The following SORBS2 variants were observed in gnomAD, a reference collection of about 807,000 sequenced individuals.
SORBS2 encodes sorbin and SH3 domain containing 2.
A neutral mutation model predicts 97.7 loss-of-function variants in SORBS2; 46 were observed. The observed-to-expected ratio is 0.47, with a 90% CI of 0.37 to 0.60. SORBS2 has a LOEUF of 0.60. SORBS2 is among the 20% of genes least tolerant of loss of function. The probability of loss-of-function intolerance (pLI) is 0.00; values close to 1 mark genes in which losing one functional copy is unlikely to be tolerated. For missense variants in SORBS2, 1,316 were observed against 1,282.3 expected, an observed-to-expected ratio of 1.03 and a Z score of -0.40; for synonymous variants, 476 against 473.4, an observed-to-expected ratio of 1.01 and a Z score of -0.07.
At chr4:185,856,385 G>T (rs1196221589) in intron 1 of SORBS2, among the ~76,000 whole-genome samples, 2 of 152,064 alleles carry the variant, frequency 1.3e-5, no homozygotes, top group Non-Finnish European at 2.9e-5. Flanking sequence ...ATAAGATTAA[G>T]AATTAATATG....
At chr4:185,915,531 A>T (rs1408263774) in intron 1 of SORBS2, among the ~76,000 whole-genome samples, 1 of 152,198 alleles carries the variant, frequency 6.6e-6, no homozygotes, top group Non-Finnish European at 1.5e-5. Context: ...TGCTGCAGTC[A>T]CACTGCAGAC....
intron 1 of SORBS2, among the ~76,000 whole-genome samples, chr4:185,860,395 C>T (rs2099223039): frequency 6.6e-6 from 1 of 152,174 alleles, no homozygotes; most frequent in Non-Finnish European, 1.5e-5. Context: ...CAAAGCAGTG[C>T]CTGAGGGCTG....
At position 185,797,964 on chromosome 4, in the gene SORBS2, G is replaced by A. The variant is rs186949740; in HGVS notation, c.-337-22598C>T. On this transcript the variant is annotated intron_variant, in intron 1 of 20. Coordinates refer to the SORBS2 transcript ENST00000284776. ...CTACTCTGTGCCTTCCTTCTGCCTC[G>A]GCACTTGTGATGCTGCGGGATTATC... Among the ~76,000 whole-genome samples the A allele has an allele frequency of 1.2e-4, 19 of 152,226 alleles. No individual in the cohort carries two copies. In the East Asian group the frequency reaches 2.7e-3, roughly 22 times the overall value.
At chr4:185,651,029 G>T (rs1246215709) in intron 2 of SORBS2, among the ~76,000 whole-genome samples, 2 of 152,104 alleles carry the variant, frequency 1.3e-5, no homozygotes, top group East Asian at 3.9e-4. Context: ...GCTGCTGAAG[G>T]GGAGGGGAGC....
At chr4:185,735,493 C>A (rs2098678511) in intron 2 of SORBS2, among the ~76,000 whole-genome samples, 1 of 149,914 alleles carries the variant, frequency 6.7e-6, no homozygotes, top group South Asian at 2.1e-4. Flanking sequence ...AAAGGGCAAA[C>A]ACACACACAC....
chr4:185,694,545 G>T (rs10434305), intron 2 of SORBS2, among the ~76,000 whole-genome samples: 84,618 of 151,726 alleles, frequency 0.56, 23,903 homozygotes, highest in East Asian at 0.73. Flanking sequence ...ACAATGGATT[G>T]GTTTTACTTA....
chr4:185,645,058 G>C (rs996747194), intron 4 of SORBS2, among the ~76,000 whole-genome samples: 2 of 152,140 alleles, frequency 1.3e-5, no homozygotes, highest in African/African-American at 4.8e-5. Flanking sequence ...CATGTAGCTG[G>C]TGCTCAGTCA....
At position 185,886,874 on chromosome 4, in the gene SORBS2, T is replaced by A. The variant is rs549807368; in HGVS notation, c.-338+69322A>T. Among the ~76,000 whole-genome samples, 5 of 152,338 alleles carry A rather than the reference T, an allele frequency of 3.3e-5. No homozygotes were observed. In the South Asian group the frequency reaches 1.0e-3, roughly 32 times the overall value. ...AAAGCTGGGCTTTGAAGCGATTTGT[T>A]TGGTTTGCCCCAAAGGGTATAACTT... On this transcript the variant is annotated intron_variant, in intron 1 of 20. Transcript: ENST00000284776.
chr4:185,828,742 C>A (rs953704004), intron 1 of SORBS2, among the ~76,000 whole-genome samples: 6 of 152,056 alleles, frequency 3.9e-5, no homozygotes, highest in African/African-American at 1.4e-4. Flanking sequence ...ATCAATTGCC[C>A]CTCTACTGCC....
At chr4:185,835,396 G>A (rs1049818661) in intron 1 of SORBS2, among the ~76,000 whole-genome samples, 1 of 152,146 alleles carries the variant, frequency 6.6e-6, no homozygotes, top group Non-Finnish European at 1.5e-5. Context: ...AATTCTAACG[G>A]TGTTCAAAAT....
intron 2 of SORBS2, among the ~76,000 whole-genome samples, chr4:185,706,087 T>A (rs1236435839): frequency 6.6e-6 from 1 of 152,216 alleles, no homozygotes; most frequent in Admixed American, 6.5e-5. Context: ...AAGAAGTTAT[T>A]TAGGTTTCCT....
intron 1 of SORBS2, among the ~76,000 whole-genome samples, chr4:185,829,471 C>G (rs1041367156): frequency 6.6e-6 from 1 of 151,776 alleles, no homozygotes; most frequent in African/African-American, 2.4e-5. Context: ...ACAAAGTGAA[C>G]AGAAATATTG....
intron 1 of SORBS2, among the ~76,000 whole-genome samples, chr4:185,915,661 C>CTTCT (rs1212469193): frequency 6.6e-6 from 1 of 152,094 alleles, no homozygotes; most frequent in Non-Finnish European, 1.5e-5. Context: ...TCCCTATGTG[C>CTTCT]TACACTTGTA....
At chr4:185,665,655 T>C in intron 4 of SORBS2, 1 of 667,406 alleles carries the variant, frequency 1.5e-6, no homozygotes, top group Non-Finnish European at 1.9e-6. Context: ...AATAAAAATG[T>C]CAGCCGAAAA....
intron 2 of SORBS2, among the ~76,000 whole-genome samples, chr4:185,719,804 G>A (rs2098497808): frequency 6.6e-6 from 1 of 152,212 alleles, no homozygotes; most frequent in African/African-American, 2.4e-5. Flanking sequence ...AGGGTCTTGT[G>A]GGATGGTTAT....
intron 1 of SORBS2, among the ~76,000 whole-genome samples, chr4:185,821,414 A>G (rs970328315): frequency 6.6e-6 from 1 of 151,920 alleles, no homozygotes; most frequent in African/African-American, 2.4e-5. Context: ...GCCACCATTG[A>G]GTTGTTTTTA....
Position 185,867,673 on chromosome 4 carries a change from A to G in SORBS2, c.-338+88523T>C, listed in dbSNP as rs1301201196. On this transcript the variant is annotated intron_variant, in intron 1 of 20. Transcript: ENST00000284776. ...CTGCTTGCTTGCTTCCTTGAGCTCTATTCCTGTCATGCAAAGGTCCTGACA... is the reference window on the plus strand; with the variant it reads ...CTGCTTGCTTGCTTCCTTGAGCTCTGTTCCTGTCATGCAAAGGTCCTGACA... Among the ~76,000 whole-genome samples, 3 of 152,144 alleles carry G rather than the reference A, an allele frequency of 2.0e-5. No individual in the cohort carries two copies. The East Asian group carries it at 5.8e-4, about 29-fold the overall frequency.
intron 1 of SORBS2, among the ~76,000 whole-genome samples, chr4:185,924,893 C>T (rs2099262842): frequency 1.3e-5 from 2 of 152,122 alleles, no homozygotes; most frequent in African/African-American, 2.4e-5. Context: ...CATGTGTGTC[C>T]GTGTCATTAA....
At chr4:185,795,053 G>A (rs2099098425) in intron 1 of SORBS2, among the ~76,000 whole-genome samples, 1 of 152,138 alleles carries the variant, frequency 6.6e-6, no homozygotes, top group South Asian at 2.1e-4. Flanking sequence ...TGTATAGGCG[G>A]GCTTCATGAG....
Sources: gnomAD v4.1 joint callset for allele counts (sites outside exome capture counted in the v4.1 genomes callset) on GRCh38, gnomAD v4.1.1 for gene constraint, MANE v1.5 for transcripts, NCBI Gene and HGNC (gene_info 2026-07-23, HGNC 2026-07-21) for gene names.